The following TMEM135 variants were observed in gnomAD, a reference collection of about 807,000 sequenced individuals.
TMEM135 encodes transmembrane protein 135.
In TMEM135, 30 loss-of-function variants were observed where a neutral mutation model predicts 60.3. The ratio of observed to expected loss-of-function variants is 0.50; its 90% CI spans 0.37 to 0.68. The LOEUF (loss-of-function observed/expected upper bound fraction) is 0.68. TMEM135 is among the 30% of genes least tolerant of loss of function. The probability of loss-of-function intolerance (pLI) is 0.00; values close to 1 mark genes in which losing one functional copy is unlikely to be tolerated. For missense variants in TMEM135, 468 were observed against 548.8 expected (o/e 0.85, Z 1.47); for synonymous variants, 190 against 186.7 (o/e 1.02, Z -0.14).
At chr11:87,107,454 C>G (rs1857627397) in intron 4 of TMEM135, among the ~76,000 whole-genome samples, 1 of 149,832 alleles carries the variant, frequency 6.7e-6, no homozygotes, top group Non-Finnish European at 1.5e-5. Flanking sequence ...GTGATGTTCT[C>G]CACCCTGTGT....
intron 4 of TMEM135, among the ~76,000 whole-genome samples, chr11:87,141,687 G>A (rs1324956899): frequency 6.6e-6 from 1 of 152,092 alleles, no homozygotes; most frequent in African/African-American, 2.4e-5. Context: ...TCACTTATAA[G>A]TCTGATGATA....
At chr11:87,319,973 C>T (rs747933560) in intron 14 of TMEM135, among the ~76,000 whole-genome samples, 5 of 151,948 alleles carry the variant, frequency 3.3e-5, no homozygotes, top group Non-Finnish European at 7.4e-5. Context: ...TTTTTTCGGT[C>T]TACAATGAAA....
chr11:87,204,454 G>A (rs1305844197), intron 5 of TMEM135, among the ~76,000 whole-genome samples: 1 of 151,966 alleles, frequency 6.6e-6, no homozygotes, highest in Non-Finnish European at 1.5e-5. Context: ...TTGACCCCTT[G>A]CACAGTTAAA....
At position 87,104,841 on chromosome 11, in the gene TMEM135, G is replaced by A. The variant is rs576254285; in HGVS notation, c.396+13446G>A. On this transcript the variant is annotated intron_variant, in intron 4 of 14. Transcript: ENST00000305494. ...TGGTGGAATCTTTAGGGTTTTTAGT[G>A]TATAAGATCATACAGTCTACAAACA... Among the ~76,000 whole-genome samples the A allele has an allele frequency of 1.6e-3, 243 of 152,258 alleles. 1 individual carries two copies. Among genetic ancestry groups the A allele is most frequent in the African/African-American group, 5.5e-3 (230 of 41,542 alleles).
chr11:87,305,905 A>C (rs201121350), intron 8 of TMEM135, 31 bp from the exon 9 acceptor site: 1 of 1,569,096 alleles, frequency 6.4e-7, no homozygotes, highest in African/African-American at 1.3e-5. Context: ...TTTAATTATA[A>C]TTAGTTTAAT....
chr11:87,244,006 T>C (rs1327809842), intron 6 of TMEM135, among the ~76,000 whole-genome samples: 1 of 86,804 alleles, frequency 1.2e-5, no homozygotes, highest in Non-Finnish European at 2.8e-5. Context: ...ATAGCTCTTA[T>C]TATTTTGAGA....
intron 1 of TMEM135, among the ~76,000 whole-genome samples, chr11:87,058,368 C>T (rs1238403032): frequency 6.6e-6 from 1 of 152,040 alleles, no homozygotes; most frequent in East Asian, 1.9e-4. Context: ...CTTGCTCTGT[C>T]ACTCAGGCTG....
chr11:87,163,297 T>C (rs1355378358), intron 5 of TMEM135, among the ~76,000 whole-genome samples: 1 of 144,982 alleles, frequency 6.9e-6, no homozygotes, highest in Non-Finnish European at 1.5e-5. Context: ...GTTTGGTTTT[T>C]TGTTCTTGCG....
At position 87,109,293 on chromosome 11, in the gene TMEM135, T is replaced by A. The variant is rs61631035; in HGVS notation, c.396+17898T>A. Among the ~76,000 whole-genome samples the A allele has an allele frequency of 4.3e-3, 653 of 152,374 alleles. 6 individuals carry two copies. The highest frequency in any genetic ancestry group is 0.015 in the African/African-American group (625 of 41,590). The stretch of plus-strand genomic sequence containing the variant: ...CTAGACACATGATGTTTTTCCTATA[T>A]ATGCATGATATTTTTCCTATATATG... On this transcript the variant is annotated intron_variant, in intron 4 of 14. Transcript: ENST00000305494.
At chr11:87,248,654 T>C (rs1407267347) in intron 6 of TMEM135, among the ~76,000 whole-genome samples, 1 of 152,152 alleles carries the variant, frequency 6.6e-6, no homozygotes, top group African/African-American at 2.4e-5. Flanking sequence ...CTATGAAGAC[T>C]GTCATTGACA....
chr11:87,223,317 A>G (rs1940688680), intron 5 of TMEM135, among the ~76,000 whole-genome samples: 1 of 151,196 alleles, frequency 6.6e-6, no homozygotes, highest in Non-Finnish European at 1.5e-5. Flanking sequence ...GGCGCCAGCC[A>G]CCATGCCCAG....
At chr11:87,283,902 T>C (rs536144097) in intron 6 of TMEM135, among the ~76,000 whole-genome samples, 196 of 152,294 alleles carry the variant, frequency 1.3e-3, no homozygotes, top group Non-Finnish European at 1.8e-3. Context: ...TCGAAGATTC[T>C]GTTTAATTGA....
chr11:87,214,823 T>C (rs565372444), intron 5 of TMEM135, among the ~76,000 whole-genome samples: 13 of 152,238 alleles, frequency 8.5e-5, no homozygotes, highest in Admixed American at 2.0e-4. Flanking sequence ...AGTATAGAGT[T>C]AAGATGTGTT....
At chr11:87,226,401 G>T (rs1940765246) in intron 5 of TMEM135, among the ~76,000 whole-genome samples, 1 of 152,080 alleles carries the variant, frequency 6.6e-6, no homozygotes, top group Non-Finnish European at 1.5e-5. Flanking sequence ...TTAAATAAAG[G>T]CTGGATTTTT....
At chr11:87,086,340 C>G (rs1468340904) in intron 3 of TMEM135, among the ~76,000 whole-genome samples, 1 of 152,170 alleles carries the variant, frequency 6.6e-6, no homozygotes, top group Non-Finnish European at 1.5e-5. Flanking sequence ...TGCTTAGCCC[C>G]AGGCCTTCCA....
At chr11:87,314,039 A>G (rs1316431936) in intron 11 of TMEM135, among the ~76,000 whole-genome samples, 2 of 151,848 alleles carry the variant, frequency 1.3e-5, no homozygotes, top group African/African-American at 2.4e-5. Context: ...CATTTATATA[A>G]TGAAAGCAGT....
chr11:87,244,836 G>A (rs1313927794), intron 6 of TMEM135, among the ~76,000 whole-genome samples: 1 of 148,470 alleles, frequency 6.7e-6, no homozygotes, highest in African/African-American at 2.5e-5. Flanking sequence ...AGGGTTTTTT[G>A]TGTCTCTGTT....
chr11:87,149,216 CT>C (rs1938490935), intron 4 of TMEM135, among the ~76,000 whole-genome samples: 1 of 152,144 alleles, frequency 6.6e-6, no homozygotes, highest in Admixed American at 6.5e-5. Flanking sequence ...TAAACTGAAT[CT>C]TTCTATTTTT....
At chr11:87,165,883 C>G (rs956664714) in intron 5 of TMEM135, among the ~76,000 whole-genome samples, 2 of 150,290 alleles carry the variant, frequency 1.3e-5, no homozygotes, top group African/African-American at 5.0e-5. Context: ...ATCTAATAGA[C>G]GCAATAAAAA....
Sources: gnomAD v4.1 joint callset for allele counts (sites outside exome capture counted in the v4.1 genomes callset) on GRCh38, gnomAD v4.1.1 for gene constraint, MANE v1.5 for transcripts, NCBI Gene and HGNC (gene_info 2026-07-23, HGNC 2026-07-21) for gene names.